SLC35F4: variants seen among roughly 807,000 people sequenced by gnomAD.
SLC35F4 encodes solute carrier family 35 member F4, also known as chromosome 14 open reading frame 36.
In SLC35F4, 24 loss-of-function variants were observed where a neutral mutation model predicts 44.2. That is an observed-to-expected ratio of 0.54 (90% CI 0.39 to 0.76). SLC35F4 has a LOEUF of 0.76. SLC35F4 is among the 30% of genes least tolerant of loss of function. The pLI is 0.00. For missense variants in SLC35F4, 562 were observed against 586.1 expected (o/e 0.96, Z 0.42); for synonymous variants, 238 against 223.6 (o/e 1.06, Z -0.57).
chr14:57,738,354 G>A (rs770061662), intron 1 of SLC35F4, among the ~76,000 whole-genome samples: 8 of 152,190 alleles, frequency 5.3e-5, no homozygotes, highest in South Asian at 2.1e-4. Context: ...TCTTCTAAGC[G>A]AGTGTACCTG....
chr14:57,767,224 T>A (rs569911408), intron 1 of SLC35F4, among the ~76,000 whole-genome samples: 49 of 152,182 alleles, frequency 3.2e-4, no homozygotes, highest in African/African-American at 1.2e-3. Context: ...AACAATACAA[T>A]CAACAAATAT....
At chr14:57,677,598 A>G (rs954100830) in intron 1 of SLC35F4, among the ~76,000 whole-genome samples, 6 of 152,110 alleles carry the variant, frequency 3.9e-5, no homozygotes, top group African/African-American at 1.4e-4. Context: ...GGATAAGACA[A>G]AGACATAGAT....
At chr14:57,708,646 A>G (rs1216776160) in intron 1 of SLC35F4, among the ~76,000 whole-genome samples, 7 of 152,168 alleles carry the variant, frequency 4.6e-5, no homozygotes, top group Non-Finnish European at 7.3e-5. Flanking sequence ...TTTTCTCCCC[A>G]TGTGCGGAGA....
At chr14:57,621,860 T>C (rs986106646) in intron 1 of SLC35F4, among the ~76,000 whole-genome samples, 10 of 149,076 alleles carry the variant, frequency 6.7e-5, no homozygotes, top group African/African-American at 2.0e-4. Flanking sequence ...CAAAAGAAAC[T>C]ACCATCAGAG....
intron 1 of SLC35F4, among the ~76,000 whole-genome samples, chr14:57,881,213 C>G (rs1179174524): frequency 6.6e-6 from 1 of 152,132 alleles, no homozygotes; most frequent in Non-Finnish European, 1.5e-5. Flanking sequence ...CTTTCAGATT[C>G]TGACCCTAGA....
intron 1 of SLC35F4, among the ~76,000 whole-genome samples, chr14:57,897,126 C>T (rs1488053196): frequency 6.6e-6 from 1 of 152,184 alleles, no homozygotes; most frequent in Non-Finnish European, 1.5e-5. Context: ...TCTTGATAAA[C>T]TTCACCAGAA....
downstream of SLC35F4, among the ~76,000 whole-genome samples, chr14:57,972,898 G>A (rs1881095405): frequency 6.6e-6 from 1 of 152,238 alleles, no homozygotes; most frequent in Admixed American, 6.5e-5. Context: ...CATGGACATG[G>A]AATACAATGC....
intron 3 of SLC35F4, among the ~76,000 whole-genome samples, chr14:57,588,223 G>A (rs990268246): frequency 7.2e-5 from 11 of 152,290 alleles, no homozygotes; most frequent in East Asian, 1.9e-4. Context: ...AAGAAGAGTC[G>A]TATAATGTAC....
At chr14:57,690,411 G>A (rs77027955) in intron 1 of SLC35F4, among the ~76,000 whole-genome samples, 22,545 of 152,016 alleles carry the variant, frequency 0.15, 1,891 homozygotes, top group East Asian at 0.29. Flanking sequence ...AATAGATAAG[G>A]AAGTGGAGAC....
chr14:57,951,034 T>G (rs1890130799), intron 1 of SLC35F4, among the ~76,000 whole-genome samples: 1 of 152,098 alleles, frequency 6.6e-6, no homozygotes, highest in African/African-American at 2.4e-5. Flanking sequence ...TGGGAACACC[T>G]CTAGTCTGCA....
At chr14:57,870,506 A>G (rs73294841), upstream of SLC35F4, among the ~76,000 whole-genome samples, 2,006 of 152,318 alleles carry the variant, frequency 0.013, 36 homozygotes, top group African/African-American at 0.046. Flanking sequence ...ATACCCATAA[A>G]GATCTTATAA....
At chr14:57,941,468 G>A (rs929254817) in intron 1 of SLC35F4, among the ~76,000 whole-genome samples, 9 of 152,198 alleles carry the variant, frequency 5.9e-5, no homozygotes, top group African/African-American at 2.2e-4. Flanking sequence ...CCATTTATAT[G>A]AAATTTTGAG....
rs145347063 is a variant in SLC35F4 at position 57,835,448 on chromosome 14, A to G, written c.103+30275T>C. ...ACAGTTTCTAACTCTCCCAACCCCC[A>G]AGACTTTCTCAACACTCCTAAAAAG... On this transcript the variant is annotated intron_variant, in intron 1 of 7. Coordinates refer to ENST00000556826, the MANE Select transcript of SLC35F4 (RefSeq NM_001306087.2). 6.9e-3 allele frequency among the ~76,000 whole-genome samples: 1,058 copies of G among 152,284 alleles called. 10 individuals carry two copies. Among genetic ancestry groups the G allele is most frequent in the African/African-American group, 0.023 (974 of 41,550 alleles).
intron 1 of SLC35F4, among the ~76,000 whole-genome samples, chr14:57,818,028 T>C (rs1312776791): frequency 6.6e-6 from 1 of 152,014 alleles, no homozygotes; most frequent in Non-Finnish European, 1.5e-5. Flanking sequence ...CAGGTTAAAA[T>C]TGACAGTAGG....
chr14:57,620,640 T>C (rs916569810), intron 1 of SLC35F4, among the ~76,000 whole-genome samples: 1 of 152,160 alleles, frequency 6.6e-6, no homozygotes, highest in Non-Finnish European at 1.5e-5. Flanking sequence ...GCCCATTCAG[T>C]ATGGTATTGG....
At chr14:57,792,335 A>G (rs886911528) in intron 1 of SLC35F4, among the ~76,000 whole-genome samples, 6 of 152,192 alleles carry the variant, frequency 3.9e-5, no homozygotes, top group African/African-American at 1.2e-4. Flanking sequence ...TGCAGCCACT[A>G]TGGAAAACAG....
intron 1 of SLC35F4, among the ~76,000 whole-genome samples, chr14:57,802,251 A>C (rs1023110866): frequency 1.3e-5 from 2 of 152,240 alleles, no homozygotes; most frequent in African/African-American, 4.8e-5. Context: ...AATAAAATTA[A>C]GGCAGAAATC....
intron 1 of SLC35F4, among the ~76,000 whole-genome samples, chr14:57,911,852 G>A (rs1220988409): frequency 6.6e-6 from 1 of 151,882 alleles, no homozygotes; most frequent in African/African-American, 2.4e-5. Flanking sequence ...GTAGATAATT[G>A]GCTTAATTTC....
intron 1 of SLC35F4, among the ~76,000 whole-genome samples, chr14:57,948,866 T>C (rs560019247): frequency 6.6e-6 from 1 of 152,292 alleles, no homozygotes; most frequent in Non-Finnish European, 1.5e-5. Flanking sequence ...TTGAAGTTAA[T>C]TTCTAGTTTT....
Sources: gnomAD v4.1 joint callset for allele counts (sites outside exome capture counted in the v4.1 genomes callset) on GRCh38, gnomAD v4.1.1 for gene constraint, MANE v1.5 for transcripts, NCBI Gene and HGNC (gene_info 2026-07-23, HGNC 2026-07-21) for gene names.